The following MNAT1 variants were observed in gnomAD, a reference collection of about 807,000 sequenced individuals.
MNAT1 encodes CDK-activating kinase assembly factor MAT1.
A neutral mutation model predicts 42.0 loss-of-function variants in MNAT1; 43 were observed. The ratio of observed to expected loss-of-function variants is 1.02; its 90% confidence interval spans 0.80 to 1.32. The LOEUF (loss-of-function observed/expected upper bound fraction) is 1.32. MNAT1 is among the 40% of genes most tolerant of loss of function. The pLI is 0.00. For synonymous variants in MNAT1, 118 were observed against 120.0 expected, an observed-to-expected ratio of 0.98 and a Z score of 0.11; for missense variants, 306 against 350.4, an observed-to-expected ratio of 0.87 and a Z score of 1.01.
At chr14:60,771,595 C>A (rs891129587) in intron 1 of MNAT1, among the ~76,000 whole-genome samples, 2 of 152,192 alleles carry the variant, frequency 1.3e-5, no homozygotes, top group African/African-American at 4.8e-5. Context: ...GTCCTTATAG[C>A]GTCCCTTCTG....
At chr14:60,880,658 A>G (rs888806859) in intron 7 of MNAT1, among the ~76,000 whole-genome samples, 2 of 152,128 alleles carry the variant, frequency 1.3e-5, no homozygotes, top group African/African-American at 4.8e-5. Context: ...AAATAATAAA[A>G]CCTACATGCA....
intron 1 of MNAT1, among the ~76,000 whole-genome samples, chr14:60,793,699 T>C (rs944656539): frequency 6.6e-6 from 1 of 152,056 alleles, no homozygotes; most frequent in Non-Finnish European, 1.5e-5. Context: ...GATTAGTTTT[T>C]ATATATGTAT....
At chr14:60,847,683 G>A (rs754602669) in intron 6 of MNAT1, among the ~76,000 whole-genome samples, 5 of 151,748 alleles carry the variant, frequency 3.3e-5, no homozygotes, top group African/African-American at 4.8e-5. Context: ...ATATTTTCTT[G>A]TGCACATTTA....
At chr14:60,759,616 G>A (rs1267844193) in intron 1 of MNAT1, among the ~76,000 whole-genome samples, 1 of 152,156 alleles carries the variant, frequency 6.6e-6, no homozygotes, top group Non-Finnish European at 1.5e-5. Context: ...GGAAATTGTT[G>A]ATGCTTTGAA....
intron 7 of MNAT1, among the ~76,000 whole-genome samples, chr14:60,926,682 C>T (rs184870174): frequency 6.6e-6 from 1 of 152,302 alleles, no homozygotes; most frequent in African/African-American, 2.4e-5. Flanking sequence ...ACAAGTTCAG[C>T]TGTGCAGAAG....
At chr14:60,820,707 A>G (rs1055774280) in intron 6 of MNAT1, among the ~76,000 whole-genome samples, 9 of 152,132 alleles carry the variant, frequency 5.9e-5, no homozygotes, top group Non-Finnish European at 1.2e-4. Context: ...GTAACATTCC[A>G]CCTGGTGTCT....
At chr14:60,912,344 G>A (rs1436474974) in intron 7 of MNAT1, among the ~76,000 whole-genome samples, 1 of 152,066 alleles carries the variant, frequency 6.6e-6, no homozygotes, top group Non-Finnish European at 1.5e-5. Context: ...ATTGTTATGT[G>A]TGAATTTGAT....
chr14:60,847,479 T>A (rs948591251), intron 6 of MNAT1, among the ~76,000 whole-genome samples: 1 of 152,176 alleles, frequency 6.6e-6, no homozygotes, highest in African/African-American at 2.4e-5. Context: ...TTTACATTGT[T>A]TATCTTGTTT....
chr14:60,920,914 A>T (rs541128524), intron 7 of MNAT1, among the ~76,000 whole-genome samples: 1 of 152,188 alleles, frequency 6.6e-6, no homozygotes, highest in African/African-American at 2.4e-5. Flanking sequence ...GACTCTTTCA[A>T]CCTTTCAAAT....
intron 7 of MNAT1, among the ~76,000 whole-genome samples, chr14:60,956,021 G>C (rs1398165811): frequency 6.6e-6 from 1 of 151,154 alleles, no homozygotes; most frequent in African/African-American, 2.4e-5. Flanking sequence ...TTTCTACTCT[G>C]ATCTTTATTT....
intron 7 of MNAT1, among the ~76,000 whole-genome samples, chr14:60,921,643 A>G (rs1303805344): frequency 2.6e-5 from 4 of 152,214 alleles, no homozygotes; most frequent in Non-Finnish European, 5.9e-5. Context: ...TTGGTACAAA[A>G]TAAAAATATA....
Position 60,967,921 on chromosome 14 carries a change from C to G in MNAT1, c.810-308C>G, listed in dbSNP as rs531604069. ...ATTAGTTAGGTGTCCAAAAAACAGCCAACAAAACAAATCAGCTCTGAAAAT... is the reference window on the plus strand; with the variant it reads ...ATTAGTTAGGTGTCCAAAAAACAGCGAACAAAACAAATCAGCTCTGAAAAT... On this transcript the variant is annotated intron_variant, in intron 7 of 7. Coordinates refer to ENST00000261245, the MANE Select transcript of MNAT1 (RefSeq NM_002431.4). Among the ~76,000 whole-genome samples, 18 of 152,180 alleles carry G rather than the reference C, an allele frequency of 1.2e-4. No homozygotes were observed. In the South Asian group the frequency reaches 3.5e-3, roughly 30 times the overall value.
intron 6 of MNAT1, among the ~76,000 whole-genome samples, chr14:60,851,696 C>A (rs2033824403): frequency 6.6e-6 from 1 of 152,058 alleles, no homozygotes; most frequent in Admixed American, 6.6e-5. Context: ...TGCTCTCCTT[C>A]CCCTTGCCTG....
rs4151233 is a variant in MNAT1 at position 60,819,580 on chromosome 14, A to G, written c.687+733A>G. 5.2e-3 allele frequency among the ~76,000 whole-genome samples: 788 copies of G among 152,288 alleles called. 14 individuals are homozygous for G. The highest frequency in any genetic ancestry group is 0.018 in the African/African-American group (737 of 41,586). On this transcript the variant is annotated intron_variant, in intron 6 of 7. Coordinates refer to ENST00000261245, the MANE Select transcript of MNAT1 (RefSeq NM_002431.4). ...AATGTTTGAGGTGATGGATATCTCA[A>G]TTACCCTGTTTTGGTTATTACATAT... is the stretch of plus-strand genomic sequence containing the variant.
chr14:60,887,046 T>A (rs913604801), intron 7 of MNAT1, among the ~76,000 whole-genome samples: 1 of 152,156 alleles, frequency 6.6e-6, no homozygotes, highest in African/African-American at 2.4e-5. Context: ...CTAAACTTAT[T>A]TTGTTGACAG....
At position 60,838,797 on chromosome 14, in the gene MNAT1, G is replaced by A. The variant is rs143809633; in HGVS notation, c.687+19950G>A. ...CCACTGCCCCTCCAGGCTTGGAAGCGCCTGCTCCTGCTGCCTGGCCTTTTC... is the reference window on the plus strand; with the variant it reads ...CCACTGCCCCTCCAGGCTTGGAAGCACCTGCTCCTGCTGCCTGGCCTTTTC... On this transcript the variant is annotated intron_variant, in intron 6 of 7. Transcript: ENST00000261245. Among the ~76,000 whole-genome samples, 519 of 152,246 alleles carry A rather than the reference G, an allele frequency of 3.4e-3. 3 individuals carry two copies. Among genetic ancestry groups the A allele is most frequent in the African/African-American group, 0.012 (502 of 41,560 alleles).
At chr14:60,738,401 G>T (rs144956253) in intron 1 of MNAT1, among the ~76,000 whole-genome samples, 1,816 of 151,180 alleles carry the variant, frequency 0.012, 24 homozygotes, top group African/African-American at 0.042. Flanking sequence ...GACTACAGTC[G>T]CATGCCACCA....
chr14:60,813,471 A>T (rs2032618831), intron 5 of MNAT1, among the ~76,000 whole-genome samples: 1 of 152,170 alleles, frequency 6.6e-6, no homozygotes, highest in African/African-American at 2.4e-5. Flanking sequence ...GCTCAGGGTT[A>T]CAAGAGAGAA....
intron 7 of MNAT1, among the ~76,000 whole-genome samples, chr14:60,906,137 C>T (rs564710691): frequency 1.3e-5 from 2 of 152,054 alleles, no homozygotes; most frequent in South Asian, 2.1e-4. Flanking sequence ...TGTAAATGCA[C>T]CAGTGGGAAT....
Sources: allele counts gnomAD v4.1 joint callset (sites outside exome capture counted in the v4.1 genomes callset), GRCh38; gene constraint gnomAD v4.1.1; transcripts MANE v1.5; gene names NCBI Gene and HGNC (gene_info 2026-07-23, HGNC 2026-07-21).